Variants in MERTK observed in about 807,000 individuals in gnomAD.
The protein encoded by MERTK is MER proto-oncogene, tyrosine kinase.
A neutral mutation model predicts 99.3 loss-of-function variants in MERTK; 69 were observed. That is an observed-to-expected ratio of 0.70 (90% CI 0.57 to 0.85). The LOEUF (loss-of-function observed/expected upper bound fraction) is 0.85. Ranked by LOEUF, MERTK falls within the 40% of genes least tolerant of loss-of-function variation. The pLI, the probability that MERTK is intolerant of heterozygous loss-of-function variation, is 0.00. For synonymous variants in MERTK, 426 were observed against 467.6 expected (o/e 0.91, Z 1.15); for missense variants, 1,125 against 1,249.4 (o/e 0.90, Z 1.50).
chr2:111,898,657 C>G lies in MERTK; in HGVS notation c.-79C>G. On this transcript the variant is annotated 5_prime_UTR_variant, in exon 1 of 19. Transcript: ENST00000295408. Reference sequence around the variant, plus strand: ...CCGGACAGGGAGCTTCGCTGGCGCGCTTGGCCGGCGACAGGACAGGTTCGG... The same window carrying G: ...CCGGACAGGGAGCTTCGCTGGCGCGGTTGGCCGGCGACAGGACAGGTTCGG... 1 of 1,524,530 alleles carries G rather than the reference C, an allele frequency of 6.6e-7. No individual in the cohort carries two copies. Among genetic ancestry groups the G allele is most frequent in the Non-Finnish European group, 8.9e-7 (1 of 1,120,878 alleles). The allele number at this position is 1,524,530 out of a possible 1,614,324, so 94.4% of individuals were successfully genotyped here. A position where few individuals can be genotyped will look rare whatever the true frequency, so the allele number is the denominator to read the frequency against.
intron 2 of MERTK, among the ~76,000 whole-genome samples, chr2:111,935,920 A>AG (rs1355137280): frequency 6.6e-6 from 1 of 151,040 alleles, no homozygotes; most frequent in Non-Finnish European, 1.5e-5. Flanking sequence ...CTTCAAAAAA[A>AG]TTTTTTTGTT....
At position 111,953,834 on chromosome 2, in the gene MERTK, C is replaced by T. The variant is rs552430463; in HGVS notation, c.757+6267C>T. On this transcript the variant is annotated intron_variant, in intron 4 of 18. Transcript: ENST00000295408. ...AGGTGATCCACCCACCTTGGCCTCC[C>T]AAAGTGCTGGGACTACAGGCGTGAG... 2.6e-5 allele frequency among the ~76,000 whole-genome samples: 4 copies of T among 152,360 alleles called. No homozygotes were observed. In the South Asian group the frequency reaches 6.2e-4, roughly 24 times the overall value.
intron 13 of MERTK, among the ~76,000 whole-genome samples, chr2:112,006,636 A>G (rs1676985142): frequency 6.6e-6 from 1 of 152,158 alleles, no homozygotes; most frequent in African/African-American, 2.4e-5. Flanking sequence ...TCATTAGGGT[A>G]AATTGCATAG....
At chr2:112,021,616 C>A in intron 17 of MERTK, 35 bp downstream of exon 17, 2 of 1,569,484 alleles carry the variant, frequency 1.3e-6, no homozygotes, top group Non-Finnish European at 1.8e-6. Context: ...GGTCCCACAG[C>A]ACAAAGAGGA....
chr2:111,946,981 C>T (rs1684970967), intron 3 of MERTK, among the ~76,000 whole-genome samples: 1 of 152,148 alleles, frequency 6.6e-6, no homozygotes, highest in East Asian at 1.9e-4. Context: ...ATAAAGAACT[C>T]TTGTTTGCCA....
intron 2 of MERTK, among the ~76,000 whole-genome samples, chr2:111,943,723 A>G (rs1008825867): frequency 6.6e-6 from 1 of 152,178 alleles, no homozygotes; most frequent in African/African-American, 2.4e-5. Flanking sequence ...AGGGCCCCAG[A>G]AAGTTCTAAA....
At chr2:111,902,027 A>G (rs556901558) in intron 1 of MERTK, among the ~76,000 whole-genome samples, 1 of 152,060 alleles carries the variant, frequency 6.6e-6, no homozygotes, top group Admixed American at 6.5e-5. Flanking sequence ...CTGGGATTAC[A>G]GGCATGCACC....
At position 111,931,531 on chromosome 2, in the gene MERTK, C is replaced by T. The variant is rs181495547; in HGVS notation, c.482+1991C>T. 5.6e-3 allele frequency among the ~76,000 whole-genome samples: 852 copies of T among 152,040 alleles called. 9 individuals are homozygous for T. Among genetic ancestry groups the T allele is most frequent in the African/African-American group, 0.019 (795 of 41,486 alleles). On this transcript the variant is annotated intron_variant, in intron 2 of 18. Coordinates refer to ENST00000295408, the MANE Select transcript of MERTK (RefSeq NM_006343.3). Reference sequence around the variant, plus strand: ...TGAAACCCCATCTCTACTAAAAATACGAAAATTAGCTGGGCGTGGTGGCGC... The same window carrying T: ...TGAAACCCCATCTCTACTAAAAATATGAAAATTAGCTGGGCGTGGTGGCGC...
chr2:111,924,721 A>G (rs1326655423), intron 1 of MERTK, among the ~76,000 whole-genome samples: 1 of 151,900 alleles, frequency 6.6e-6, no homozygotes, highest in Non-Finnish European at 1.5e-5. Flanking sequence ...TTTATCTCCC[A>G]TTTTTGTTCT....
At chr2:112,014,004 G>A (rs545582325) in intron 15 of MERTK, among the ~76,000 whole-genome samples, 1 of 150,854 alleles carries the variant, frequency 6.6e-6, no homozygotes, top group African/African-American at 2.4e-5. Context: ...ACAGGCATGC[G>A]CTATCATGCC....
chr2:112,026,505 C>T (rs72825673), intron 18 of MERTK, among the ~76,000 whole-genome samples: 3,948 of 152,204 alleles, frequency 0.026, 75 homozygotes, highest in Middle Eastern at 0.068. Context: ...AATTGACTTA[C>T]GCCTGAAAAC....
intron 10 of MERTK, 83 bp downstream of exon 10, chr2:111,997,559 A>G: frequency 6.6e-7 from 1 of 1,508,570 alleles, no homozygotes; most frequent in Non-Finnish European, 9.1e-7. Flanking sequence ...CTGTTGGGCC[A>G]GCTGCTTACA....
At chr2:111,970,961 G>A (rs1676108930) in intron 6 of MERTK, among the ~76,000 whole-genome samples, 1 of 151,904 alleles carries the variant, frequency 6.6e-6, no homozygotes, top group Non-Finnish European at 1.5e-5. Context: ...TTCTCTTTGT[G>A]GAAAGTTTTT....
At chr2:111,969,007 G>C (rs191205112) in intron 6 of MERTK, among the ~76,000 whole-genome samples, 322 of 152,286 alleles carry the variant, frequency 2.1e-3, no homozygotes, top group Non-Finnish European at 3.8e-3. Context: ...GTGTCACCGG[G>C]GGATCCTGGT....
Position 111,972,990 on chromosome 2 carries a change from C to A in MERTK, c.961-2299C>A, listed in dbSNP as rs1676154554. ...TGAATGTTTTGGATGAGATTCAGATCCATGCACTAGCAGGACACACCCTCT... is the reference window on the plus strand; with the variant it reads ...TGAATGTTTTGGATGAGATTCAGATACATGCACTAGCAGGACACACCCTCT... On this transcript the variant is annotated intron_variant, in intron 6 of 18. Coordinates refer to ENST00000295408, the MANE Select transcript of MERTK (RefSeq NM_006343.3). 1.3e-5 allele frequency among the ~76,000 whole-genome samples: 2 copies of A among 152,140 alleles called. 1 individual carries two copies. The highest frequency in any genetic ancestry group is 4.1e-4 in the South Asian group (2 of 4,832).
chr2:111,958,182 G>A (rs1352480664), intron 4 of MERTK, among the ~76,000 whole-genome samples: 3 of 152,170 alleles, frequency 2.0e-5, no homozygotes, highest in Admixed American at 6.5e-5. Flanking sequence ...GGGCCATTCA[G>A]GATAGAGTGG....
At chr2:111,905,290 G>T (rs1251215013) in intron 1 of MERTK, among the ~76,000 whole-genome samples, 1 of 152,110 alleles carries the variant, frequency 6.6e-6, no homozygotes, top group Non-Finnish European at 1.5e-5. Context: ...CCTCTGACAG[G>T]CACTAGGATC....
intron 6 of MERTK, among the ~76,000 whole-genome samples, chr2:111,972,523 G>T (rs1380354798): frequency 6.6e-5 from 10 of 152,174 alleles, no homozygotes; most frequent in African/African-American, 2.4e-4. Context: ...TTTCTGCCAT[G>T]GTTTTGGGTG....
At chr2:111,899,485 G>C (rs34928784) in intron 1 of MERTK, among the ~76,000 whole-genome samples, 31,714 of 152,060 alleles carry the variant, frequency 0.21, 4,000 homozygotes, top group Middle Eastern at 0.37. Context: ...CAGCGTTTAC[G>C]TTTATCTGGA....
Sources: allele counts gnomAD v4.1 joint callset (sites outside exome capture counted in the v4.1 genomes callset), GRCh38; gene constraint gnomAD v4.1.1; transcripts MANE v1.5; gene names NCBI Gene and HGNC (gene_info 2026-07-23, HGNC 2026-07-21).